The following PLXDC2 variants were observed in gnomAD, a reference collection of about 807,000 sequenced individuals.
PLXDC2 encodes plexin domain containing 2, also known as plexin domain-containing protein 2.
A neutral mutation model predicts 68.9 loss-of-function variants in PLXDC2; 40 were observed. The observed-to-expected ratio is 0.58, with a 90% CI of 0.45 to 0.76. PLXDC2 has a LOEUF of 0.76. Among genes scored for constraint, PLXDC2 ranks in the 30% least tolerant of loss-of-function variants. The pLI is 0.00. For missense variants in PLXDC2, 644 were observed against 661.9 expected, an observed-to-expected ratio of 0.97 and a Z score of 0.30; for synonymous variants, 243 against 234.2, an observed-to-expected ratio of 1.04 and a Z score of -0.34.
At chr10:20,100,907 C>T (rs548196078) in intron 4 of PLXDC2, among the ~76,000 whole-genome samples, 9 of 151,656 alleles carry the variant, frequency 5.9e-5, no homozygotes, top group Non-Finnish European at 1.3e-4. Context: ...AAATTAACAG[C>T]ACGTTGTGAA....
At position 20,286,280 on chromosome 10, in the gene PLXDC2, A is replaced by T. The variant is rs1836151831; in HGVS notation, c.*6461A>T. 6.6e-6 allele frequency: 1 copy of T among 152,220 alleles called. No individual in the cohort carries two copies. 9.4% of individuals were successfully genotyped at this position (152,220 alleles called of 1,614,324 possible). On this transcript the variant is annotated 3_prime_UTR_variant, in exon 14 of 14. Coordinates refer to ENST00000377252, the MANE Select transcript of PLXDC2 (RefSeq NM_032812.9). Reference sequence around the variant, plus strand: ...AAGGCTGGAAAAAAAATTAAATGTAAGTCATAAACTAGTACTCAGCTTTTC... The same window carrying T: ...AAGGCTGGAAAAAAAATTAAATGTATGTCATAAACTAGTACTCAGCTTTTC...
chr10:19,927,533 CTACTAAAA>C (rs1158103803), intron 1 of PLXDC2, among the ~76,000 whole-genome samples: 1 of 151,434 alleles, frequency 6.6e-6, no homozygotes, highest in Non-Finnish European at 1.5e-5. Context: ...AACCCCGTCT[CTACTAAAA>C]AAATACAAAA....
chr10:20,230,710 A>AAAAAAAAAAAAAAAAAAAAAG (rs1835352153), intron 12 of PLXDC2, among the ~76,000 whole-genome samples: 1 of 149,702 alleles, frequency 6.7e-6, no homozygotes, highest in Non-Finnish European at 1.5e-5. Context: ...AAAAAAAAAA[A>AAAAAAAAAAAAAAAAAAAAAG]AAAACAGGAA....
chr10:20,097,417 A>G (rs1415460449), intron 4 of PLXDC2, among the ~76,000 whole-genome samples: 1 of 152,160 alleles, frequency 6.6e-6, no homozygotes, highest in East Asian at 1.9e-4. Flanking sequence ...TTTATTTTCC[A>G]TGGCTGGTTA....
intron 1 of PLXDC2, among the ~76,000 whole-genome samples, chr10:19,960,738 T>TA (rs1554848803): frequency 4.7e-5 from 7 of 148,118 alleles, no homozygotes; most frequent in South Asian, 2.1e-4. Context: ...CCTGATTACA[T>TA]ATTTTTTTCC....
intron 1 of PLXDC2, among the ~76,000 whole-genome samples, chr10:19,835,290 T>C (rs1226517557): frequency 6.6e-6 from 1 of 152,078 alleles, no homozygotes; most frequent in Non-Finnish European, 1.5e-5. Flanking sequence ...CTCTCTAGTG[T>C]GGAGAGCAGC....
chr10:20,273,552 A>G (rs1280997791), intron 13 of PLXDC2, among the ~76,000 whole-genome samples: 2 of 152,196 alleles, frequency 1.3e-5, no homozygotes, highest in Non-Finnish European at 2.9e-5. Context: ...ACATAGACAC[A>G]CATATATACA....
At chr10:19,839,594 T>G (rs2131316619) in intron 1 of PLXDC2, among the ~76,000 whole-genome samples, 1 of 152,052 alleles carries the variant, frequency 6.6e-6, no homozygotes. Flanking sequence ...TGGTTTTGTC[T>G]TCTGTAAAAT....
At chr10:19,983,651 A>C (rs1043631290) in intron 1 of PLXDC2, among the ~76,000 whole-genome samples, 1 of 152,136 alleles carries the variant, frequency 6.6e-6, no homozygotes, top group Non-Finnish European at 1.5e-5. Flanking sequence ...TCCCTCCTCT[A>C]TCTGGGTTCT....
intron 3 of PLXDC2, among the ~76,000 whole-genome samples, chr10:20,056,948 A>G (rs191092927): frequency 4.1e-4 from 62 of 152,200 alleles, no homozygotes; most frequent in African/African-American, 1.3e-3. Flanking sequence ...TTCATATTAA[A>G]CTTTTATAAT....
At chr10:19,973,344 A>G (rs1834393622) in intron 1 of PLXDC2, among the ~76,000 whole-genome samples, 1 of 148,728 alleles carries the variant, frequency 6.7e-6, no homozygotes, top group East Asian at 2.0e-4. Flanking sequence ...ATGTGTATAT[A>G]TGTATACTCA....
chr10:20,228,137 A>G (rs1036778869), intron 12 of PLXDC2, among the ~76,000 whole-genome samples: 6 of 152,206 alleles, frequency 3.9e-5, no homozygotes, highest in Non-Finnish European at 5.9e-5. Flanking sequence ...AAATGTCAGT[A>G]GGCATTTTTC....
chr10:20,249,080 G>GCCCATTTAATTACA (rs1835637293), intron 13 of PLXDC2, among the ~76,000 whole-genome samples: 7 of 152,038 alleles, frequency 4.6e-5, no homozygotes, highest in Non-Finnish European at 1.5e-5. Context: ...TTAACACAGT[G>GCCCATTTAATTACA]GTGATTTCAC....
chr10:20,176,614 T>A (rs1834530320), intron 7 of PLXDC2, among the ~76,000 whole-genome samples: 1 of 152,176 alleles, frequency 6.6e-6, no homozygotes, highest in Admixed American at 6.6e-5. Flanking sequence ...CATTTCTAAT[T>A]ACCCATTTCT....
chr10:19,974,313 A>G (rs1291546722), intron 1 of PLXDC2, among the ~76,000 whole-genome samples: 1 of 152,266 alleles, frequency 6.6e-6, no homozygotes, highest in Non-Finnish European at 1.5e-5. Flanking sequence ...TCATTGGACC[A>G]TGAGATGTAA....
In PLXDC2 at chr10:20,061,130, A is replaced by G. The variant is rs1457556234; in HGVS notation, c.472-7040A>G. Among the ~76,000 whole-genome samples the G allele has an allele frequency of 2.6e-5, 4 of 152,182 alleles. No homozygotes were observed. The East Asian group carries it at 7.7e-4, about 29-fold the overall frequency. On this transcript the variant is annotated intron_variant, in intron 3 of 13. Coordinates refer to ENST00000377252, the MANE Select transcript of PLXDC2 (RefSeq NM_032812.9). The stretch of plus-strand genomic sequence containing the variant: ...CGTGGTACCATTGACAATATCAACA[A>G]ATTCACGTTGGTACTATACTCTTAG...
intron 4 of PLXDC2, among the ~76,000 whole-genome samples, chr10:20,140,385 A>AAC (rs1554769213): frequency 3.8e-5 from 1 of 26,456 alleles, no homozygotes; most frequent in Admixed American, 4.4e-4. Context: ...CCAGAAAAAT[A>AAC]ACATATATAT....
At chr10:19,935,052 G>A (rs1233641721) in intron 1 of PLXDC2, among the ~76,000 whole-genome samples, 2 of 152,140 alleles carry the variant, frequency 1.3e-5, no homozygotes, top group Non-Finnish European at 2.9e-5. Context: ...AAATTTCGTA[G>A]AAGAGTCAGA....
intron 1 of PLXDC2, among the ~76,000 whole-genome samples, chr10:19,928,869 C>G (rs1391941779): frequency 1.3e-5 from 2 of 150,996 alleles, no homozygotes; most frequent in Non-Finnish European, 2.9e-5. Flanking sequence ...ATTCTATTGC[C>G]TCAGCCTCCC....
Sources: gnomAD v4.1 joint callset for allele counts (sites outside exome capture counted in the v4.1 genomes callset) on GRCh38, gnomAD v4.1.1 for gene constraint, MANE v1.5 for transcripts, NCBI Gene and HGNC (gene_info 2026-07-23, HGNC 2026-07-21) for gene names.